PRRC2A: variants seen among roughly 807,000 people sequenced by gnomAD.
The protein encoded by PRRC2A is proline rich coiled-coil 2A, also known as protein PRRC2A.
A neutral mutation model predicts 224.6 loss-of-function variants in PRRC2A; 59 were observed. The ratio of observed to expected loss-of-function variants is 0.26; its 90% confidence interval spans 0.21 to 0.33. The LOEUF (loss-of-function observed/expected upper bound fraction) is 0.33. Ranked by LOEUF, PRRC2A falls within the 10% of genes least tolerant of loss-of-function variation. The pLI, the probability that PRRC2A is intolerant of heterozygous loss-of-function variation, is 1.00. For missense variants in PRRC2A, 3,095 were observed against 2,880.7 expected, an observed-to-expected ratio of 1.07 and a Z score of -1.70; for synonymous variants, 1,194 against 1,109.5, an observed-to-expected ratio of 1.08 and a Z score of -1.51.
At position 31,632,839 on chromosome 6, in the gene PRRC2A, G is replaced by A. The variant is rs779714705; in HGVS notation, c.4166G>A (p.Arg1389Gln). 4.3e-6 allele frequency: 7 copies of A among 1,613,048 alleles called. No homozygotes were observed. The highest frequency in any genetic ancestry group is 2.7e-5 in the African/African-American group (2 of 74,912). The change falls in exon 16 of 31, where the codon CGG becomes CAG. Residue 1389 changes from arginine to glutamine, a missense_variant. Around this residue, in one of 8 missense-constraint regions of PRRC2A, gnomAD observed 2,001 missense variants for 1,764.9 expected, o/e 1.13. Transcript: ENST00000376033. ...AGTAAACGGAGCTTCTCAAGTCAGC[G>A]GCCAGGCATGGAACGGCAGAATCGG... Reference protein sequence around the residue: ...DLSKRSFSSQRPGMERQNRRP... With the variant: ...DLSKRSFSSQQPGMERQNRRP...
chr6:31,634,285 A>G lies in PRRC2A; in HGVS notation c.4769A>G (p.Glu1590Gly). The change falls in exon 19 of 31, where the codon GAG becomes GGG. Residue 1590 changes from glutamate to glycine, a missense_variant. Transcript: ENST00000376033. ...TCTGGATTCTTGGGCTCTAAGCCTG[A>G]GGGCCCAGGCCCTCAGGCAGAGTCC... is the stretch of plus-strand genomic sequence containing the variant. ...HSSGFLGSKPEGPGPQAESRD... is the reference protein window; with the variant it reads ...HSSGFLGSKPGGPGPQAESRD... The G allele has an allele frequency of 6.2e-7, 1 of 1,605,128 alleles. No individual in the cohort carries two copies. Among genetic ancestry groups the G allele is most frequent in the Admixed American group, 1.8e-5 (1 of 56,830 alleles).
intron 23 of PRRC2A, 32 bp from the exon 24 acceptor site, chr6:31,635,550 A>C: frequency 1.2e-6 from 2 of 1,611,330 alleles, no homozygotes; most frequent in Non-Finnish European, 1.7e-6. Context: ...AGGATGCCAG[A>C]CATCCCTCTC....
At position 31,631,870 on chromosome 6, in the gene PRRC2A, G is replaced by C. The variant is rs765858648; in HGVS notation, c.3197G>C (p.Arg1066Pro). Residue 1066 changes from arginine (R) to proline (P), a missense_variant, in exon 16 of 31, where the codon CGT (arginine) becomes CCT (proline). This residue lies in a region of PRRC2A where 2,001 missense variants were observed against 1,764.9 expected (regional missense o/e 1.13). Coordinates refer to ENST00000376033, the MANE Select transcript of PRRC2A (RefSeq NM_004638.4). The surrounding 1 kb of genome is among the most constrained non-coding windows in gnomAD (Gnocchi z 4.5). Reference sequence around the variant, plus strand: ...CGAGAGTTTCGAGGAGATGATGGGCGTGGAGGTGGGACAGGGGGACCAAAC... The same window carrying C: ...CGAGAGTTTCGAGGAGATGATGGGCCTGGAGGTGGGACAGGGGGACCAAAC... The part of the protein sequence containing the change: ...SYREFRGDDG[R>P]GGGTGGPNHP... 1 of 1,610,112 alleles carries C rather than the reference G, an allele frequency of 6.2e-7. No homozygotes were observed. The highest frequency in any genetic ancestry group is 2.2e-5 in the East Asian group (1 of 44,764).
At chr6:31,629,486 G>T in intron 13 of PRRC2A, 62 bp from the exon 14 acceptor site, 1 of 1,420,288 alleles carries the variant, frequency 7.0e-7, no homozygotes, top group Admixed American at 1.8e-5. Context: ...TTTTTTCTTT[G>T]CTGATTCCTT....
rs3817659 is a variant in PRRC2A at position 31,637,065 on chromosome 6, G to A, written c.6171G>A (p.Pro2057=). The change falls in exon 29 of 31, where the codon CCG becomes CCA. Residue 2057 remains proline, a synonymous_variant. Coordinates refer to ENST00000376033, the MANE Select transcript of PRRC2A (RefSeq NM_004638.4). ...RAELHPVELK[P]FQDYQKLSSN... ...AGCTGCATCCAGTGGAACTAAAGCC[G>A]TTCCAGGATTATCAAAAACTGAGCA... 3.1e-3 allele frequency: 4,920 copies of A among 1,608,542 alleles called. 93 individuals carry two copies. In the East Asian group the frequency reaches 0.04, roughly 13 times the overall value.
rs199588523 is a variant in PRRC2A, at chr6:31,637,000, C to T, written c.6148-42C>T. ...GCGCCAAGACTTGGGAGTAGGGATT[C>T]TGTATTTCAAGGTAGGCAGCTCATG... On this transcript the variant is annotated intron_variant, in intron 28 of 30. Coordinates refer to ENST00000376033, the MANE Select transcript of PRRC2A (RefSeq NM_004638.4). This position sits in a 1 kb window ranked among gnomAD's most constrained non-coding sequence, Gnocchi z 4.3. 6.3e-6 allele frequency: 10 copies of T among 1,597,876 alleles called. No homozygotes were observed. Among genetic ancestry groups the T allele is most frequent in the Non-Finnish European group, 8.5e-6 (10 of 1,170,238 alleles).
rs562193222 is a variant in PRRC2A at position 31,632,084 on chromosome 6, C to T, written c.3411C>T (p.Leu1137=). 22 of 1,552,866 alleles carry T rather than the reference C, an allele frequency of 1.4e-5. No individual in the cohort carries two copies. Among genetic ancestry groups the T allele is most frequent in the East Asian group, 1.1e-4 (5 of 44,284 alleles). ...PKEGTLTQVP[L]APPPPGAPPS... ...AGGGAACACTCACCCAGGTCCCTCT[C>T]GCTCCCCCACCACCAGGAGCCCCAC... The change falls in exon 16 of 31, where the codon CTC becomes CTT. Residue 1137 remains leucine, a synonymous_variant. Transcript: ENST00000376033.
Position 31,627,685 on chromosome 6 carries a change from C to A in PRRC2A, c.1291-80C>A. 1 of 1,523,702 alleles carries A rather than the reference C, an allele frequency of 6.6e-7. No homozygotes were observed. Among genetic ancestry groups the A allele is most frequent in the Non-Finnish European group, 8.8e-7 (1 of 1,130,876 alleles). The allele number at this position is 1,523,702 out of a possible 1,614,324, so 94.4% of individuals were successfully genotyped here. A position where few individuals can be genotyped will look rare whatever the true frequency, so the allele number is the denominator to read the frequency against. On this transcript the variant is annotated intron_variant, in intron 11 of 30. Coordinates refer to ENST00000376033, the MANE Select transcript of PRRC2A (RefSeq NM_004638.4). The surrounding 1 kb of genome is among the most constrained non-coding windows in gnomAD (Gnocchi z 5.6). ...GGTCGTTGCATCCTGCAAGTAGCGACAGTTGATTTGTTGTAAAAGAGATGA... is the reference window on the plus strand; with the variant it reads ...GGTCGTTGCATCCTGCAAGTAGCGAAAGTTGATTTGTTGTAAAAGAGATGA...
rs752204717 is a variant in PRRC2A, at chr6:31,636,502, C to T, written c.5836-8C>T. On this transcript the variant is annotated splice_polypyrimidine_tract_variant and splice_region_variant and intron_variant, in intron 26 of 30. Coordinates refer to ENST00000376033, the MANE Select transcript of PRRC2A (RefSeq NM_004638.4). This position sits in a 1 kb window ranked among gnomAD's most constrained non-coding sequence, Gnocchi z 4.3. ...GGGGTTGATATATTTCTCCCTGTTT[C>T]CCGACAGGTACGCCAGGATCTGCCA... 4 of 1,608,836 alleles carry T rather than the reference C, an allele frequency of 2.5e-6. No homozygotes were observed. The highest frequency in any genetic ancestry group is 3.4e-6 in the Non-Finnish European group (4 of 1,177,108).
chr6:31,629,092 T>C (rs556505819), intron 12 of PRRC2A, 52 bp from the exon 13 acceptor site: 3 of 1,568,580 alleles, frequency 1.9e-6, no homozygotes, highest in Admixed American at 3.4e-5. Flanking sequence ...GGGGTGTTCA[T>C]GGAGTGTCTA....
Position 31,632,590 on chromosome 6 carries a change from C to T in PRRC2A, c.3917C>T (p.Ser1306Phe). The T allele has an allele frequency of 6.2e-7, 1 of 1,613,048 alleles. No homozygotes were observed. The highest frequency in any genetic ancestry group is 8.5e-7 in the Non-Finnish European group (1 of 1,180,004). Residue 1306 changes from serine to phenylalanine, a missense_variant, in exon 16 of 31, where the codon TCT becomes TTT. By Grantham distance (155) the Ser-to-Phe change is radical (BLOSUM62 -2). Transcript: ENST00000376033. ...GCACCTCGCCGGGCAGCTGCCAAGTCTCCTGATCTGTCAAACCAGAACTCA... is the reference window on the plus strand; with the variant it reads ...GCACCTCGCCGGGCAGCTGCCAAGTTTCCTGATCTGTCAAACCAGAACTCA... ...APAPRRAAAK[S>F]PDLSNQNSDQ...
At position 31,629,286 on chromosome 6, in the gene PRRC2A, C is replaced by T; in HGVS notation, c.1908C>T (p.Tyr636=). The part of the protein sequence containing the change: ...TRQPPSQGLG[Y]PKYQKSLPPR... ...AGCCCCCTAGTCAGGGCTTGGGCTA[C>T]CCCAAATATCAGAAGTCGTTGCCTC... The change falls in exon 13 of 31, where the codon TAC becomes TAT. Residue 636 remains tyrosine (Y), a synonymous_variant. Transcript: ENST00000376033. The T allele has an allele frequency of 6.3e-7, 1 of 1,587,504 alleles. No individual in the cohort carries two copies. Among genetic ancestry groups the T allele is most frequent in the Non-Finnish European group, 8.6e-7 (1 of 1,167,838 alleles).
chr6:31,637,110 A>T lies in PRRC2A; in HGVS notation c.6216A>T (p.Gly2072=). Residue 2072 remains glycine, a synonymous_variant, in exon 29 of 31, where the codon GGA becomes GGT. Transcript: ENST00000376033. ...QKLSSNLGGP[G]SSRTPPTGRS... ...TGAGCAGCAACCTTGGGGGACCTGGATCATCACGGACTCCCCCAACTGGAA... is the reference window on the plus strand; with the variant it reads ...TGAGCAGCAACCTTGGGGGACCTGGTTCATCACGGACTCCCCCAACTGGAA... The T allele has an allele frequency of 1.2e-6, 2 of 1,611,214 alleles. No individual in the cohort carries two copies. Among genetic ancestry groups the T allele is most frequent in the African/African-American group, 1.3e-5 (1 of 74,988 alleles).
chr6:31,636,535 C>G lies in PRRC2A; in HGVS notation c.5861C>G (p.Ser1954Trp). ...LQVRQDLPSP[S>W]DFYSTPLQPG... ...GTACGCCAGGATCTGCCATCCCCTTCGGATTTTTATTCTACTCCTCTGCAG... is the reference window on the plus strand; with the variant it reads ...GTACGCCAGGATCTGCCATCCCCTTGGGATTTTTATTCTACTCCTCTGCAG... Residue 1954 changes from serine (S) to tryptophan (W), a missense_variant, in exon 27 of 31, where the codon TCG (serine) becomes TGG (tryptophan). Around this residue, in one of 8 missense-constraint regions of PRRC2A, gnomAD observed 662 missense variants for 609.5 expected, o/e 1.09. Transcript: ENST00000376033. This position sits in a 1 kb window ranked among gnomAD's most constrained non-coding sequence, Gnocchi z 4.3. 1 of 1,609,270 alleles carries G rather than the reference C, an allele frequency of 6.2e-7. No homozygotes were observed. Among genetic ancestry groups the G allele is most frequent in the Non-Finnish European group, 8.5e-7 (1 of 1,178,288 alleles).
In PRRC2A at chr6:31,625,231, C is replaced by T. The variant is rs746400919; in HGVS notation, c.524C>T (p.Ala175Val). The change falls in exon 6 of 31, where the codon GCG becomes GTG. Residue 175 changes from alanine (A) to valine (V), a missense_variant. Around this residue, in one of 8 missense-constraint regions of PRRC2A, gnomAD observed 287 missense variants for 275.3 expected, o/e 1.04. Coordinates refer to ENST00000376033, the MANE Select transcript of PRRC2A (RefSeq NM_004638.4). The surrounding 1 kb of genome is among the most constrained non-coding windows in gnomAD (Gnocchi z 4.1). ...CGAGAGGAATTTCCGACCCTGCAGG[C>T]GGCTGGCGACCAGGACAAGGCTGCC... The part of the protein sequence containing the change: ...FSREEFPTLQ[A>V]AGDQDKAAKE... 4.3e-6 allele frequency: 7 copies of T among 1,613,004 alleles called. No homozygotes were observed. The highest frequency in any genetic ancestry group is 1.3e-5 in the African/African-American group (1 of 74,920).
rs1237099573 is a variant in PRRC2A, at chr6:31,631,798, A to C, written c.3125A>C (p.Tyr1042Ser). Residue 1042 changes from tyrosine to serine, a missense_variant, in exon 16 of 31, where the codon TAT becomes TCT. Tyr to Ser is a moderately radical substitution (Grantham distance 144). Transcript: ENST00000376033. The surrounding 1 kb of genome is among the most constrained non-coding windows in gnomAD (Gnocchi z 4.5). ...AGAGGGAGGGGTTTTCGGGGGACCT[A>C]TGGGGGACGAGGGCGGGGAGCCCGA... The part of the protein sequence containing the change: ...FARGRGFRGT[Y>S]GGRGRGARSR... 34 of 1,577,840 alleles carry C rather than the reference A, an allele frequency of 2.2e-5. No individual in the cohort carries two copies. The highest frequency in any genetic ancestry group is 2.8e-5 in the Non-Finnish European group (33 of 1,160,226).
Position 31,631,233 on chromosome 6 carries a change from T to C in PRRC2A, c.2560T>C (p.Phe854Leu). The change falls in exon 16 of 31, where the codon TTT becomes CTT. Residue 854 changes from phenylalanine (F) to leucine (L), a missense_variant. Physicochemically the swap from Phe to Leu is conservative, Grantham distance 22. Coordinates refer to ENST00000376033, the MANE Select transcript of PRRC2A (RefSeq NM_004638.4). The surrounding 1 kb of genome is among the most constrained non-coding windows in gnomAD (Gnocchi z 4.5). The part of the protein sequence containing the change: ...NGAPGPPISR[F>L]PLEEPGPRPL... The stretch of plus-strand genomic sequence containing the variant: ...AGCCCCTGGGCCCCCAATCTCTCGC[T>C]TTCCTCTGGAGGAACCAGGGCCCCG... 6.2e-7 allele frequency: 1 copy of C among 1,610,542 alleles called. No individual in the cohort carries two copies. Among genetic ancestry groups the C allele is most frequent in the Non-Finnish European group, 8.5e-7 (1 of 1,179,178 alleles).
At chr6:31,621,746 C>G (rs1583172369) in intron 1 of PRRC2A, among the ~76,000 whole-genome samples, 2 of 152,326 alleles carry the variant, frequency 1.3e-5, no homozygotes, top group Non-Finnish European at 2.9e-5. Flanking sequence ...CCCACTATTT[C>G]TCATCTCTTT....
Position 31,624,004 on chromosome 6 carries a change from A to G in PRRC2A, c.290+95A>G, listed in dbSNP as rs6921556. 7.1e-6 allele frequency: 10 copies of G among 1,416,228 alleles called. No homozygotes were observed. In the African/African-American group the frequency reaches 1.4e-4, roughly 20 times the overall value. 87.7% of individuals were successfully genotyped at this position (1,416,228 alleles called of 1,614,324 possible). On this transcript the variant is annotated intron_variant, in intron 3 of 30. Transcript: ENST00000376033. ...GGTTTAGTCCAGCCACGTCTGAGCC[A>G]GAGACGAAGAGGTCCCTTTCTTACC...
Sources: gnomAD v4.1 joint callset for allele counts (sites outside exome capture counted in the v4.1 genomes callset) on GRCh38, gnomAD v4.1.1 for gene constraint, gnomAD v4.1.1 regional missense constraint, Gnocchi (gnomAD v3.1) non-coding constraint, MANE v1.5 for transcripts, NCBI Gene and HGNC (gene_info 2026-07-23, HGNC 2026-07-21) for gene names.